The following BST1 variants were observed in gnomAD, a reference collection of about 807,000 sequenced individuals.
BST1 encodes ADP-ribosyl cyclase/cyclic ADP-ribose hydrolase 2.
Under a neutral mutation model 40.6 loss-of-function variants are expected in BST1, and 49 were observed. The observed-to-expected ratio is 1.21, with a 90% CI of 0.96 to 1.53. The LOEUF is 1.53. BST1 is among the 40% of genes most tolerant of loss of function. The pLI, the probability that BST1 is intolerant of heterozygous loss-of-function variation, is 0.00. For missense variants in BST1, 423 were observed against 395.9 expected (o/e 1.07, Z -0.58); for synonymous variants, 157 against 159.3 (o/e 0.99, Z 0.11).
Position 15,715,028 on chromosome 4 carries a change from T to A in BST1, c.535-257T>A, listed in dbSNP as rs115315043. ...GCATAAGCTAGTTTATTCCAGCTGA[T>A]AAGATACTGTGTATTTTCTATTATC... On this transcript the variant is annotated intron_variant, in intron 4 of 8. Coordinates refer to ENST00000265016, the MANE Select transcript of BST1 (RefSeq NM_004334.3). 5.4e-3 allele frequency among the ~76,000 whole-genome samples: 830 copies of A among 152,358 alleles called. 12 individuals carry two copies. The highest frequency in any genetic ancestry group is 0.019 in the African/African-American group (788 of 41,596).
chr4:15,703,590 T>C (rs1719672707), intron 1 of BST1, among the ~76,000 whole-genome samples: 1 of 138,200 alleles, frequency 7.2e-6, no homozygotes, highest in Non-Finnish European at 1.6e-5. Flanking sequence ...ACACACACAC[T>C]GTAGAGGTGA....
intron 8 of BST1, among the ~76,000 whole-genome samples, chr4:15,730,441 C>A (rs1240933226): frequency 1.3e-5 from 2 of 152,168 alleles, no homozygotes; most frequent in Non-Finnish European, 2.9e-5. Context: ...TAATAGCCAT[C>A]AGTAGGAAAC....
the BST1 span, among the ~76,000 whole-genome samples, chr4:15,762,626 T>A: frequency 6.6e-6 from 1 of 151,932 alleles, no homozygotes; most frequent in East Asian, 1.9e-4. Context: ...ATCAGCATTC[T>A]ACTCTCTGCT....
At chr4:15,734,430 G>A (rs1229408950), downstream of BST1, among the ~76,000 whole-genome samples, 4 of 152,070 alleles carry the variant, frequency 2.6e-5, no homozygotes, top group Non-Finnish European at 5.9e-5. Context: ...TTAATTATAT[G>A]ATGAAAATGT....
intron 8 of BST1, among the ~76,000 whole-genome samples, chr4:15,727,673 G>A (rs1721185939): frequency 6.6e-6 from 1 of 151,936 alleles, no homozygotes; most frequent in African/African-American, 2.4e-5. Context: ...AAGTGCTTTG[G>A]GAAAACAATT....
At chr4:15,734,730 A>T (rs1050240879), downstream of BST1, among the ~76,000 whole-genome samples, 1 of 152,176 alleles carries the variant, frequency 6.6e-6, no homozygotes, top group Non-Finnish European at 1.5e-5. Flanking sequence ...CTGAAGAAGG[A>T]ATTCAGATAA....
Position 15,711,861 on chromosome 4 carries a change from A to G in BST1, c.506A>G (p.Asp169Gly). 6.2e-7 allele frequency: 1 copy of G among 1,614,138 alleles called. No individual in the cohort carries two copies. Among genetic ancestry groups the G allele is most frequent in the Non-Finnish European group, 8.5e-7 (1 of 1,179,972 alleles). Residue 169 changes from aspartate to glycine, a missense_variant, in exon 4 of 9, where the codon GAT (aspartate) becomes GGT (glycine). Transcript: ENST00000265016. ...TSEDCENNPV[D>G]SFWKRASIQY... ...GAAGACTGTGAAAATAATCCTGTGG[A>G]TTCCTTTTGGAAAAGGGCATCCATC...
chr4:15,707,771 G>C, intron 3 of BST1, 125 bp downstream of exon 3: 1 of 1,180,018 alleles, frequency 8.5e-7, no homozygotes, highest in Admixed American at 2.9e-5. Flanking sequence ...TGAGATAAGT[G>C]GCAAGAATAG....
chr4:15,753,057 G>A, the BST1 span, among the ~76,000 whole-genome samples: 77 of 151,740 alleles, frequency 5.1e-4, no homozygotes, highest in African/African-American at 1.8e-3. Context: ...AAATCACTAA[G>A]AAATATAAAT....
Position 15,716,862 on chromosome 4 carries a change from G to A in BST1, c.704+1063G>A, listed in dbSNP as rs553448728. Among the ~76,000 whole-genome samples the A allele has an allele frequency of 5.3e-5, 8 of 152,156 alleles. No homozygotes were observed. The South Asian group carries it at 1.2e-3, about 24-fold the overall frequency. ...GAGATGTCAGCTCACTGCAACCTCC[G>A]CCTCCCGAGTTCAAGTGATTCTCTT... On this transcript the variant is annotated intron_variant, in intron 6 of 8. Transcript: ENST00000265016.
exon 7 of BST1, chr4:15,737,949 C>G: frequency 2.1e-6 from 1 of 476,918 alleles, no homozygotes; most frequent in South Asian, 1.8e-5. Flanking sequence ...CATGAATGCT[C>G]TCCACAAGCT....
chr4:15,741,851 T>G (rs1001691516), downstream of BST1, among the ~76,000 whole-genome samples: 3 of 152,178 alleles, frequency 2.0e-5, no homozygotes. Flanking sequence ...TTACAGTAAA[T>G]GTTCATTGGC....
At chr4:15,703,662 G>T (rs1388075672) in intron 1 of BST1, among the ~76,000 whole-genome samples, 1 of 138,770 alleles carries the variant, frequency 7.2e-6, no homozygotes, top group Non-Finnish European at 1.6e-5. Context: ...TCTAGAGGTG[G>T]GAGGTGTGTG....
At chr4:15,741,044 G>A (rs967288206), downstream of BST1, among the ~76,000 whole-genome samples, 1 of 152,024 alleles carries the variant, frequency 6.6e-6, no homozygotes, top group East Asian at 2.0e-4. Context: ...TGATGATATT[G>A]ATTAGGAGTC....
At chr4:15,733,483 C>T (rs4259058), downstream of BST1, among the ~76,000 whole-genome samples, 126,548 of 151,884 alleles carry the variant, frequency 0.83, 52,895 homozygotes, top group East Asian at 0.99. Flanking sequence ...GAGTGCTGAT[C>T]GGTGCATTTA....
chr4:15,710,996 G>A (rs979337790), intron 3 of BST1, among the ~76,000 whole-genome samples: 1 of 151,992 alleles, frequency 6.6e-6, no homozygotes, highest in Non-Finnish European at 1.5e-5. Context: ...TACCATGTTG[G>A]CTAGTCTGGT....
chr4:15,766,906 C>T, the BST1 span, among the ~76,000 whole-genome samples: 40 of 151,706 alleles, frequency 2.6e-4, 1 homozygote, highest in African/African-American at 9.7e-4. Flanking sequence ...GAGAACAATC[C>T]CTGGACCAAC....
chr4:15,741,123 C>T (rs1353394565), downstream of BST1, among the ~76,000 whole-genome samples: 1 of 152,026 alleles, frequency 6.6e-6, no homozygotes, highest in Non-Finnish European at 1.5e-5. Context: ...GGCCGTTACT[C>T]ACTCCTCCTC....
the BST1 span, among the ~76,000 whole-genome samples, chr4:15,764,258 C>G: frequency 6.6e-6 from 1 of 152,010 alleles, no homozygotes; most frequent in Non-Finnish European, 1.5e-5. Flanking sequence ...GAATGATATT[C>G]AGTATCCCTA....
Sources: gnomAD v4.1 joint callset for allele counts (sites outside exome capture counted in the v4.1 genomes callset) on GRCh38, gnomAD v4.1.1 for gene constraint, MANE v1.5 for transcripts, NCBI Gene and HGNC (gene_info 2026-07-23, HGNC 2026-07-21) for gene names.